The following RIMS3 variants were observed in gnomAD, a reference collection of about 807,000 sequenced individuals.
RIMS3 encodes the protein regulating synaptic membrane exocytosis protein 3.
A neutral mutation model predicts 29.2 loss-of-function variants in RIMS3; 15 were observed. The observed-to-expected ratio is 0.51, with a 90% CI of 0.34 to 0.79. The LOEUF (loss-of-function observed/expected upper bound fraction) is 0.79, where lower values mean the gene tolerates loss of function less well. RIMS3 is among the 30% of genes least tolerant of loss of function. The probability of loss-of-function intolerance (pLI) is 0.01; values close to 1 mark genes in which losing one functional copy is unlikely to be tolerated. For synonymous variants in RIMS3, 161 were observed against 170.1 expected (o/e 0.95, Z 0.41); for missense variants, 342 against 421.4 (o/e 0.81, Z 1.65).
chr1:40,660,228 C>T (rs1178973327), intron 1 of RIMS3, among the ~76,000 whole-genome samples: 1 of 151,926 alleles, frequency 6.6e-6, no homozygotes, highest in South Asian at 2.1e-4. Flanking sequence ...GGTGGGAGGA[C>T]GGCGATGCCA....
intron 7 of RIMS3, among the ~76,000 whole-genome samples, chr1:40,627,396 T>C (rs1212565803): frequency 6.6e-6 from 1 of 151,820 alleles, no homozygotes; most frequent in Non-Finnish European, 1.5e-5. Flanking sequence ...ACCCGGCTAA[T>C]TTTTTGTATT....
chr1:40,643,007 T>C (rs1168587908), intron 2 of RIMS3, among the ~76,000 whole-genome samples: 2 of 152,152 alleles, frequency 1.3e-5, no homozygotes, highest in African/African-American at 2.4e-5. Flanking sequence ...TCATTAACAC[T>C]ATGTATGCTA....
intron 1 of RIMS3, among the ~76,000 whole-genome samples, chr1:40,663,626 GA>G (rs1159068344): frequency 1.3e-5 from 2 of 152,200 alleles, no homozygotes; most frequent in Non-Finnish European, 2.9e-5. Flanking sequence ...AGGAAGTTGG[GA>G]AGCCCAGAGA....
the RIMS3 span, among the ~76,000 whole-genome samples, chr1:40,682,388 T>A: frequency 5.9e-5 from 9 of 152,064 alleles, no homozygotes; most frequent in African/African-American, 1.9e-4. Context: ...GTATTTGAGG[T>A]GTTCTTTCCT....
the RIMS3 span, among the ~76,000 whole-genome samples, chr1:40,682,741 C>CTTTTTCTTTTTTTTTTTT: frequency 1.3e-5 from 1 of 77,514 alleles, no homozygotes; most frequent in Admixed American, 1.4e-4. Context: ...CTTTGCAGAT[C>CTTTTTCTTTTTTTTTTTT]TTTTTTTTTT....
chr1:40,680,910 C>A, the RIMS3 span, among the ~76,000 whole-genome samples: 1 of 152,152 alleles, frequency 6.6e-6, no homozygotes, highest in African/African-American at 2.4e-5. Context: ...TTGTAAGCAT[C>A]CTAACCTTTA....
intron 5 of RIMS3, 127 bp from the exon 6 acceptor site, chr1:40,629,499 A>C: frequency 1.3e-6 from 1 of 795,892 alleles, no homozygotes; most frequent in Non-Finnish European, 2.2e-6. Flanking sequence ...GATGGCACCA[A>C]CCACATGGGC....
At chr1:40,691,820 G>A in the RIMS3 span, 1 of 438,828 alleles carries the variant, frequency 2.3e-6, no homozygotes. Flanking sequence ...GCCCGACTCC[G>A]TAGGAGCGCG....
At chr1:40,665,699 G>A (rs1250030835), upstream of RIMS3, 1 of 152,810 alleles carries the variant, frequency 6.5e-6, no homozygotes, top group Non-Finnish European at 1.5e-5. Context: ...TTGGGCCGGC[G>A]GGAGGCGAAG....
the RIMS3 span, chr1:40,691,927 G>GT: frequency 3.0e-6 from 1 of 337,920 alleles, no homozygotes; most frequent in South Asian, 2.1e-5. Flanking sequence ...GCGGGGGGAG[G>GT]GGCAGCGCTT....
rs1231977173 is a variant in RIMS3, at chr1:40,654,122, G to T, written c.-206-6280C>A. On this transcript the variant is annotated intron_variant, in intron 1 of 7. Transcript: ENST00000372684. This position sits in a 1 kb window ranked among gnomAD's most constrained non-coding sequence, Gnocchi z 5.3. ...GCGACTCGCTCCCAGTCCCTCCCCCGCCTGCCCTCCCATCTCCTCCCCTCC... is the reference window on the plus strand; with the variant it reads ...GCGACTCGCTCCCAGTCCCTCCCCCTCCTGCCCTCCCATCTCCTCCCCTCC... Among the ~76,000 whole-genome samples the T allele has an allele frequency of 8.9e-6, 1 of 112,690 alleles. No homozygotes were observed. The highest frequency in any genetic ancestry group is 1.9e-5 in the Non-Finnish European group (1 of 52,862). The allele number at this position is 112,690 out of a possible 152,430, so 73.9% of individuals were successfully genotyped here.
rs1646521361 is a variant in RIMS3, at chr1:40,636,508, T to C, written c.218-451A>G. ...CCCTCTTTCAGGCACCCTCAGACCC[T>C]ATCACACCCAGACCTCACAACTCAC... is the stretch of plus-strand genomic sequence containing the variant. On this transcript the variant is annotated intron_variant, in intron 3 of 7. Transcript: ENST00000372684. The surrounding 1 kb of genome is among the most constrained non-coding windows in gnomAD (Gnocchi z 4.2). Among the ~76,000 whole-genome samples the C allele has an allele frequency of 6.6e-6, 1 of 152,122 alleles. No individual in the cohort carries two copies. Among genetic ancestry groups the C allele is most frequent in the Admixed American group, 6.5e-5 (1 of 15,274 alleles).
intron 6 of RIMS3, 57 bp downstream of exon 6, chr1:40,629,214 C>A: frequency 6.9e-7 from 1 of 1,452,508 alleles, no homozygotes; most frequent in Non-Finnish European, 9.7e-7. Flanking sequence ...ACCTGCTAGA[C>A]CCAGAGCTCG....
chr1:40,642,555 G>C (rs903710584), intron 2 of RIMS3, among the ~76,000 whole-genome samples: 1 of 152,168 alleles, frequency 6.6e-6, no homozygotes. Context: ...TCGTACTCTT[G>C]AGAGGCATTT....
intron 1 of RIMS3, among the ~76,000 whole-genome samples, chr1:40,658,176 T>TG (rs1417558250): frequency 1.3e-5 from 2 of 152,182 alleles, no homozygotes; most frequent in African/African-American, 2.4e-5. Flanking sequence ...AAGATTTTCG[T>TG]GGGGAAAAAC....
At chr1:40,685,351 T>C in the RIMS3 span, among the ~76,000 whole-genome samples, 6 of 43,300 alleles carry the variant, frequency 1.4e-4, no homozygotes, top group African/African-American at 6.7e-4. Flanking sequence ...ATTATATATA[T>C]ATTATATAAT....
chr1:40,683,382 GGTTA>G, the RIMS3 span, among the ~76,000 whole-genome samples: 7 of 152,192 alleles, frequency 4.6e-5, no homozygotes, highest in Non-Finnish European at 8.8e-5. Context: ...CATGGGAATG[GGTTA>G]GTTATGGAGG....
intron 5 of RIMS3, among the ~76,000 whole-genome samples, chr1:40,630,041 C>T (rs551207657): frequency 6.7e-6 from 1 of 148,274 alleles, no homozygotes; most frequent in South Asian, 2.2e-4. Context: ...CACAGCACTC[C>T]GGCCTGGGTG....
At chr1:40,676,384 C>G in the RIMS3 span, among the ~76,000 whole-genome samples, 1 of 152,176 alleles carries the variant, frequency 6.6e-6, no homozygotes, top group Non-Finnish European at 1.5e-5. Flanking sequence ...CATCCTGGCT[C>G]CCAAAATAGC....
Sources: allele counts gnomAD v4.1 joint callset (sites outside exome capture counted in the v4.1 genomes callset), GRCh38; gene constraint gnomAD v4.1.1; non-coding constraint Gnocchi (gnomAD v3.1); transcripts MANE v1.5; gene names NCBI Gene and HGNC (gene_info 2026-07-23, HGNC 2026-07-21).